The following ABCB9 variants were observed in gnomAD, a reference collection of about 807,000 sequenced individuals.
ABCB9 encodes the protein ATP binding cassette subfamily B member 9, also known as ABC-type oligopeptide transporter ABCB9.
In ABCB9, 36 loss-of-function variants were observed where a neutral mutation model predicts 62.0. That is an observed-to-expected ratio of 0.58 (90% CI 0.45 to 0.77). The LOEUF is 0.77. Among genes scored for constraint, ABCB9 ranks in the 30% least tolerant of loss-of-function variants. The pLI is 0.00. For synonymous variants in ABCB9, 435 were observed against 461.4 expected (o/e 0.94, Z 0.73); for missense variants, 943 against 1,054.7 (o/e 0.89, Z 1.47).
chr12:122,955,984 T>C (rs2036595841), intron 2 of ABCB9, among the ~76,000 whole-genome samples: 1 of 152,218 alleles, frequency 6.6e-6, no homozygotes, highest in Non-Finnish European at 1.5e-5. Context: ...AGTTCTGGGA[T>C]TATAGGTGTG....
upstream of ABCB9, among the ~76,000 whole-genome samples, chr12:122,967,880 A>G (rs1251305915): frequency 6.6e-6 from 1 of 152,178 alleles, no homozygotes; most frequent in Non-Finnish European, 1.5e-5. Context: ...TTTGTTCAGA[A>G]CTTACAACAC....
chr12:122,940,257 T>A lies in ABCB9; in HGVS notation c.1597A>T (p.Lys533Ter). ...GAGGGCCCCACCAGGGCCGTCACCT[T>A]GCCGGGGGACAGGCTGAAGGAGACA... is the stretch of plus-strand genomic sequence containing the variant. The part of the protein sequence containing the change: ...QNVSFSLSPG[K>*]VTALVGPSGS... The change falls in exon 9 of 12, where the codon AAG (lysine) becomes TAG (stop). Residue 533 changes from lysine to a stop codon, truncating the protein, a stop_gained. Transcript: ENST00000280560. LOFTEE classifies it high-confidence loss of function. The surrounding 1 kb of genome is among the most constrained non-coding windows in gnomAD (Gnocchi z 4.8). 6.2e-7 allele frequency: 1 copy of A among 1,606,456 alleles called. No homozygotes were observed. The highest frequency in any genetic ancestry group is 8.5e-7 in the Non-Finnish European group (1 of 1,175,580).
chr12:122,964,457 G>A lies in ABCB9; in HGVS notation c.-88+1830C>T, dbSNP rs2037069047. Among the ~76,000 whole-genome samples the A allele has an allele frequency of 6.6e-6, 1 of 152,266 alleles. No homozygotes were observed. Among genetic ancestry groups the A allele is most frequent in the African/African-American group, 2.4e-5 (1 of 41,474 alleles). Reference sequence around the variant, plus strand: ...TCAGGTCATCCACCAGGCTGGGGCAGAGCAGTGCTAGCACCTGGGTCCCTG... The same window carrying A: ...TCAGGTCATCCACCAGGCTGGGGCAAAGCAGTGCTAGCACCTGGGTCCCTG... On this transcript the variant is annotated intron_variant, in intron 1 of 11. Transcript: ENST00000280560. The surrounding 1 kb of genome is among the most constrained non-coding windows in gnomAD (Gnocchi z 4.7).
chr12:122,929,436 AAGC>A lies in ABCB9; in HGVS notation c.*472_*474del. ...CCCCGTGTCTCCCTCCGGGACAGGG[AAGC>A]CCCTTCTCTGGAGGGGTAAAGGGGA... On this transcript the variant is annotated 3_prime_UTR_variant, in exon 12 of 12. Transcript: ENST00000280560. The surrounding 1 kb of genome is among the most constrained non-coding windows in gnomAD (Gnocchi z 6.0). The A allele has an allele frequency of 1.0e-6, 1 of 987,592 alleles. No homozygotes were observed. Among genetic ancestry groups the A allele is most frequent in the Non-Finnish European group, 1.2e-6 (1 of 831,190 alleles). 61.2% of individuals were successfully genotyped at this position (987,592 alleles called of 1,614,324 possible).
In ABCB9 at chr12:122,932,384, G is replaced by A. The variant is rs1193438058; in HGVS notation, c.1904-56C>T. On this transcript the variant is annotated intron_variant, in intron 10 of 11. Transcript: ENST00000280560. The surrounding 1 kb of genome is among the most constrained non-coding windows in gnomAD (Gnocchi z 4.7). ...CAATGGGTGAGGCCGGGCAGCACCGGGGAAGAGTGAGAGGCCCTGCCCTGC... is the reference window on the plus strand; with the variant it reads ...CAATGGGTGAGGCCGGGCAGCACCGAGGAAGAGTGAGAGGCCCTGCCCTGC... 1.3e-6 allele frequency: 2 copies of A among 1,512,102 alleles called. No homozygotes were observed. Among genetic ancestry groups the A allele is most frequent in the East Asian group, 2.5e-5 (1 of 40,388 alleles). 93.7% of individuals were successfully genotyped at this position (1,512,102 alleles called of 1,614,324 possible).
chr12:122,968,839 T>C (rs570577616), upstream of ABCB9, among the ~76,000 whole-genome samples: 59 of 152,204 alleles, frequency 3.9e-4, 1 homozygote, highest in Middle Eastern at 6.8e-3. Flanking sequence ...GGTCTCAAAC[T>C]CCTGACTTCA....
chr12:122,924,971 C>T (rs1222151241), downstream of ABCB9, among the ~76,000 whole-genome samples: 1 of 152,148 alleles, frequency 6.6e-6, no homozygotes, highest in African/African-American at 2.4e-5. Flanking sequence ...GGCTGGAGTG[C>T]AGTGGCATGA....
upstream of ABCB9, among the ~76,000 whole-genome samples, chr12:122,970,162 C>T (rs991412480): frequency 6.6e-6 from 1 of 152,190 alleles, no homozygotes; most frequent in African/African-American, 2.4e-5. Flanking sequence ...TCACTGCAAC[C>T]TCCGCCTCCC....
downstream of ABCB9, among the ~76,000 whole-genome samples, chr12:122,920,386 G>T (rs894424828): frequency 1.3e-5 from 2 of 150,972 alleles, no homozygotes; most frequent in Non-Finnish European, 2.9e-5. Flanking sequence ...AAAGGCAAAG[G>T]TGGAAAATAA....
rs532410424 is a variant in ABCB9, at chr12:122,921,931, T to C, written c.2041-888A>G. ...TCAGCAGCAATGGCTGTGTCAGTGC[T>C]GGGTTCCAGAGTTTCTTCTCTGTGG... On this transcript the variant is annotated intron_variant, in intron 11 of 11. Coordinates refer to the ABCB9 transcript ENST00000344275. Among the ~76,000 whole-genome samples, 4 of 152,324 alleles carry C rather than the reference T, an allele frequency of 2.6e-5. No individual in the cohort carries two copies. In the South Asian group the frequency reaches 8.3e-4, roughly 32 times the overall value.
intron 2 of ABCB9, among the ~76,000 whole-genome samples, chr12:122,953,393 A>G (rs1011603816): frequency 1.4e-4 from 21 of 150,636 alleles, no homozygotes; most frequent in African/African-American, 5.2e-4. Context: ...TTATATATGT[A>G]TATATATATT....
rs1169256587 is a variant in ABCB9, at chr12:122,935,315, A to G, written c.1860T>C (p.Asn620=). ...EMVVEAAQKA[N]AHGFIMELQD... ...GGAGTTCCATGATGAAGCCGTGGGC[A>G]TTGGCCTTCTGTGCGGCCTCCACCA... The change falls in exon 10 of 12, where the codon AAT becomes AAC. Residue 620 remains asparagine, a synonymous_variant. Transcript: ENST00000280560. 6.2e-7 allele frequency: 1 copy of G among 1,613,640 alleles called. No individual in the cohort carries two copies. Among genetic ancestry groups the G allele is most frequent in the South Asian group, 1.1e-5 (1 of 90,938 alleles).
At chr12:122,919,753 C>G (rs957094860), downstream of ABCB9, among the ~76,000 whole-genome samples, 3 of 152,016 alleles carry the variant, frequency 2.0e-5, no homozygotes, top group African/African-American at 7.2e-5. Flanking sequence ...CGGAGGTTCT[C>G]AATAAATGCT....
At chr12:122,954,681 C>T (rs1035407382) in intron 2 of ABCB9, among the ~76,000 whole-genome samples, 18 of 152,100 alleles carry the variant, frequency 1.2e-4, no homozygotes, top group African/African-American at 4.1e-4. Flanking sequence ...TTAGTAGAGA[C>T]GGAGTTTCAC....
chr12:122,972,170 G>C (rs901038085), intron 1 of ABCB9, among the ~76,000 whole-genome samples: 5 of 150,172 alleles, frequency 3.3e-5, no homozygotes, highest in African/African-American at 7.4e-5. Context: ...TCAGCCTCCC[G>C]AGCAGCTGGG....
chr12:122,950,639 A>G (rs1237894828), intron 2 of ABCB9, 74 bp from the exon 3 acceptor site: 4 of 1,201,670 alleles, frequency 3.3e-6, no homozygotes, highest in African/African-American at 3.0e-5. Flanking sequence ...AGGCTCCAGA[A>G]GTCCACACAC....
chr12:122,949,219 G>A (rs575616879), intron 4 of ABCB9: 16 of 179,498 alleles, frequency 8.9e-5, no homozygotes, highest in Non-Finnish European at 1.6e-4. Context: ...GCAGGAAAGC[G>A]CAGACACTTC....
upstream of ABCB9, among the ~76,000 whole-genome samples, chr12:122,970,580 C>T (rs1202452250): frequency 3.3e-5 from 5 of 152,010 alleles, no homozygotes; most frequent in Non-Finnish European, 7.4e-5. Flanking sequence ...GTTTCCAACA[C>T]GAAGAAATGA....
chr12:122,919,806 A>G (rs1197040457), downstream of ABCB9, among the ~76,000 whole-genome samples: 1 of 152,166 alleles, frequency 6.6e-6, no homozygotes, highest in Non-Finnish European at 1.5e-5. Context: ...AAAGAGCTGT[A>G]ATAATGTGAG....
Sources: gnomAD v4.1 joint callset for allele counts (sites outside exome capture counted in the v4.1 genomes callset) on GRCh38, gnomAD v4.1.1 for gene constraint, Gnocchi (gnomAD v3.1) non-coding constraint, MANE v1.5 for transcripts, NCBI Gene and HGNC (gene_info 2026-07-23, HGNC 2026-07-21) for gene names.